The following RPTOR variants were observed in gnomAD, a reference collection of about 807,000 sequenced individuals.
The protein encoded by RPTOR is regulatory associated protein of MTOR complex 1.
A neutral mutation model predicts 169.9 loss-of-function variants in RPTOR; 21 were observed. The ratio of observed to expected loss-of-function variants is 0.12; its 90% CI spans 0.09 to 0.18. RPTOR has a LOEUF of 0.18. Ranked by LOEUF, RPTOR falls within the 10% of genes least tolerant of loss-of-function variation. The pLI, the probability that RPTOR is intolerant of heterozygous loss-of-function variation, is 1.00. For synonymous variants in RPTOR, 732 were observed against 753.2 expected (o/e 0.97, Z 0.46); for missense variants, 1,133 against 1,855.9 (o/e 0.61, Z 7.16).
chr17:80,785,861 T>C (rs2066985570), intron 6 of RPTOR, among the ~76,000 whole-genome samples: 1 of 152,122 alleles, frequency 6.6e-6, no homozygotes, highest in African/African-American at 2.4e-5. Context: ...GCCACTTATG[T>C]CTTCACCACT....
At chr17:80,733,940 A>G (rs1005615042) in intron 5 of RPTOR, among the ~76,000 whole-genome samples, 10 of 152,078 alleles carry the variant, frequency 6.6e-5, no homozygotes, top group African/African-American at 2.4e-4. Flanking sequence ...GCTTCCTTGT[A>G]CTTTCTTCTG....
Position 80,774,180 on chromosome 17 carries a change from G to T in RPTOR, c.831-17270G>T, listed in dbSNP as rs1395179106. 4.1e-6 allele frequency: 4 copies of T among 985,258 alleles called. No individual in the cohort carries two copies. In the African/African-American group the frequency reaches 7.0e-5, roughly 17 times the overall value. 61.0% of individuals were successfully genotyped at this position (985,258 alleles called of 1,614,324 possible). Reference sequence around the variant, plus strand: ...AGAAAGCGGGGACTCTGGGAGTCTGGATGTCAAGCTGGTCCCGTCTCCACC... The same window carrying T: ...AGAAAGCGGGGACTCTGGGAGTCTGTATGTCAAGCTGGTCCCGTCTCCACC... On this transcript the variant is annotated intron_variant, in intron 6 of 33. Coordinates refer to ENST00000306801, the MANE Select transcript of RPTOR (RefSeq NM_020761.3).
At chr17:80,939,198 A>C (rs1029871309) in intron 24 of RPTOR, among the ~76,000 whole-genome samples, 7 of 152,204 alleles carry the variant, frequency 4.6e-5, no homozygotes, top group South Asian at 2.1e-4. Context: ...GATTGACTGG[A>C]CGGCATGTAT....
intron 3 of RPTOR, among the ~76,000 whole-genome samples, chr17:80,656,862 T>A (rs1384729635): frequency 6.6e-6 from 1 of 152,192 alleles, no homozygotes; most frequent in Non-Finnish European, 1.5e-5. Context: ...AGTTCCTCTG[T>A]CCGGAACACT....
At chr17:80,572,026 A>G (rs1363382987) in intron 1 of RPTOR, among the ~76,000 whole-genome samples, 2 of 152,250 alleles carry the variant, frequency 1.3e-5, no homozygotes, top group East Asian at 3.8e-4. Flanking sequence ...GTTTACTTCT[A>G]TGTAATATCT....
chr17:80,744,252 G>A lies in RPTOR; in HGVS notation c.655-9758G>A, dbSNP rs377558917. ...TAGCACAGCCCTGGTTACTAGCACT[G>A]TCCTGGCTACTAGCACAGCCCTGGT... On this transcript the variant is annotated intron_variant, in intron 5 of 33. Transcript: ENST00000306801. Among the ~76,000 whole-genome samples, 48 of 101,578 alleles carry A rather than the reference G, an allele frequency of 4.7e-4. 4 individuals carry two copies. The highest frequency in any genetic ancestry group is 9.6e-4 in the African/African-American group (17 of 17,786). The allele number at this position is 101,578 out of a possible 152,430, so 66.6% of individuals were successfully genotyped here.
chr17:80,954,970 G>T (rs142350810), intron 28 of RPTOR, among the ~76,000 whole-genome samples: 1 of 152,230 alleles, frequency 6.6e-6, no homozygotes, highest in Non-Finnish European at 1.5e-5. Flanking sequence ...AATAAAAACT[G>T]CAAGATACCT....
intron 3 of RPTOR, among the ~76,000 whole-genome samples, chr17:80,704,831 T>C (rs2066130174): frequency 1.3e-5 from 2 of 152,258 alleles, no homozygotes; most frequent in Non-Finnish European, 2.9e-5. Context: ...AGAATTGAGA[T>C]AGCTGCACAT....
chr17:80,874,418 G>A (rs1291924549), intron 13 of RPTOR, among the ~76,000 whole-genome samples: 4 of 152,076 alleles, frequency 2.6e-5, no homozygotes, highest in Non-Finnish European at 5.9e-5. Flanking sequence ...GATGGTCTCC[G>A]TCTCTTAACC....
chr17:80,944,649 G>A (rs913896975), intron 25 of RPTOR, among the ~76,000 whole-genome samples: 6 of 152,156 alleles, frequency 3.9e-5, no homozygotes, highest in Non-Finnish European at 7.3e-5. Flanking sequence ...AGTCCCCAAG[G>A]TATTGACGTC....
intron 1 of RPTOR, among the ~76,000 whole-genome samples, chr17:80,623,618 C>T (rs1465893138): frequency 6.6e-6 from 1 of 152,120 alleles, no homozygotes; most frequent in Non-Finnish European, 1.5e-5. Context: ...TCACTGCAAA[C>T]TCTGCCTCCC....
At chr17:80,564,936 C>T (rs1177518843) in intron 1 of RPTOR, among the ~76,000 whole-genome samples, 2 of 152,188 alleles carry the variant, frequency 1.3e-5, no homozygotes, top group African/African-American at 4.8e-5. Context: ...TGTGTGGCTG[C>T]ATAGTATTCC....
chr17:80,634,275 G>A (rs62641966), intron 2 of RPTOR, among the ~76,000 whole-genome samples: 13,377 of 46,756 alleles, frequency 0.29, 2,497 homozygotes, highest in Non-Finnish European at 0.34. Flanking sequence ...GTGTGTGTGC[G>A]TACTGTGTGT....
At chr17:80,840,376 C>A (rs546161523) in intron 10 of RPTOR, among the ~76,000 whole-genome samples, 3 of 145,908 alleles carry the variant, frequency 2.1e-5, no homozygotes, top group African/African-American at 7.7e-5. Context: ...TCTCACCACA[C>A]GGCAGCTCAC....
intron 5 of RPTOR, among the ~76,000 whole-genome samples, chr17:80,733,179 A>G (rs2066406202): frequency 1.3e-5 from 2 of 152,206 alleles, no homozygotes; most frequent in African/African-American, 4.8e-5. Flanking sequence ...GTAGAGTAGA[A>G]GACGACTTCA....
chr17:80,868,685 G>A (rs1263822043), intron 13 of RPTOR, among the ~76,000 whole-genome samples: 1 of 152,178 alleles, frequency 6.6e-6, no homozygotes, highest in Admixed American at 6.5e-5. Context: ...AATGTTCCTA[G>A]CAGCTTTATT....
intron 3 of RPTOR, among the ~76,000 whole-genome samples, chr17:80,657,835 C>T (rs748106472): frequency 1.3e-5 from 2 of 152,176 alleles, no homozygotes; most frequent in African/African-American, 2.4e-5. Flanking sequence ...CCACCACCCT[C>T]CTATTTATTT....
intron 1 of RPTOR, among the ~76,000 whole-genome samples, chr17:80,611,215 TTTTG>T (rs1462115122): frequency 9.2e-5 from 14 of 152,316 alleles, no homozygotes; most frequent in African/African-American, 1.7e-4. Flanking sequence ...TCTGTCACAC[TTTTG>T]TTTGTTTTTG....
intron 1 of RPTOR, among the ~76,000 whole-genome samples, chr17:80,564,743 C>T (rs2084555805): frequency 6.6e-6 from 1 of 151,834 alleles, no homozygotes; most frequent in South Asian, 2.1e-4. Context: ...CCTCTCCCTC[C>T]TCCCACCGTC....
Sources: gnomAD v4.1 joint callset for allele counts (sites outside exome capture counted in the v4.1 genomes callset) on GRCh38, gnomAD v4.1.1 for gene constraint, MANE v1.5 for transcripts, NCBI Gene and HGNC (gene_info 2026-07-23, HGNC 2026-07-21) for gene names.